CPNE9: variants seen among roughly 807,000 people sequenced by gnomAD.
The protein encoded by CPNE9 is copine family member 9.
CPNE9 carries 59 observed loss-of-function variants against 83.0 expected under a neutral mutation model. The ratio of observed to expected loss-of-function variants is 0.71; its 90% confidence interval spans 0.58 to 0.88. The LOEUF (loss-of-function observed/expected upper bound fraction) is 0.88, where lower values mean the gene tolerates loss of function less well. Among genes scored for constraint, CPNE9 ranks in the 40% least tolerant of loss-of-function variants. The pLI, the probability that CPNE9 is intolerant of heterozygous loss-of-function variation, is 0.00. For missense variants in CPNE9, 619 were observed against 720.8 expected, an observed-to-expected ratio of 0.86 and a Z score of 1.62; for synonymous variants, 256 against 273.4, an observed-to-expected ratio of 0.94 and a Z score of 0.63.
intron 10 of CPNE9, 22 bp downstream of exon 10, chr3:9,713,101 G>A (rs868392823): frequency 1.9e-6 from 3 of 1,564,038 alleles, no homozygotes; most frequent in Middle Eastern, 1.7e-4. Context: ...CATAAGCTGG[G>A]GAGTAAGGAG....
intron 17 of CPNE9, among the ~76,000 whole-genome samples, chr3:9,725,125 C>T (rs2076765962): frequency 6.6e-6 from 1 of 152,174 alleles, no homozygotes; most frequent in Non-Finnish European, 1.5e-5. Flanking sequence ...GGTGATTTTA[C>T]ACTATTTTTG....
At chr3:9,705,174 C>G in intron 4 of CPNE9, 180 bp downstream of exon 4, 1 of 653,226 alleles carries the variant, frequency 1.5e-6, no homozygotes, top group Non-Finnish European at 2.8e-6. Flanking sequence ...CCAGTTCCGT[C>G]CCCCGCTCTG....
chr3:9,722,327 T>G (rs1264363504), intron 17 of CPNE9, among the ~76,000 whole-genome samples: 1 of 152,200 alleles, frequency 6.6e-6, no homozygotes, highest in South Asian at 2.1e-4. Flanking sequence ...ATGATCACAA[T>G]GGACTCTGCT....
intron 11 of CPNE9, 88 bp from the exon 12 acceptor site, chr3:9,715,201 G>T: frequency 7.1e-7 from 1 of 1,416,796 alleles, no homozygotes. Flanking sequence ...CTAAGTAGGG[G>T]CTTAGGATAG....
intron 7 of CPNE9, among the ~76,000 whole-genome samples, chr3:9,710,001 A>G (rs1185565508): frequency 1.3e-5 from 2 of 151,648 alleles, no homozygotes; most frequent in African/African-American, 2.4e-5. Flanking sequence ...AAAAAAAAAA[A>G]AAAAGAAAAA....
At chr3:9,706,291 G>A (rs1254237454) in intron 7 of CPNE9, among the ~76,000 whole-genome samples, 2 of 145,098 alleles carry the variant, frequency 1.4e-5, no homozygotes, top group East Asian at 2.0e-4. Flanking sequence ...CTCTCTCTCT[G>A]TTTCTCTCTC....
Position 9,703,990 on chromosome 3 carries a change from A to C in CPNE9, c.-7A>C. 1 of 1,600,766 alleles carries C rather than the reference A, an allele frequency of 6.2e-7. No individual in the cohort carries two copies. Among genetic ancestry groups the C allele is most frequent in the Non-Finnish European group, 8.5e-7 (1 of 1,176,708 alleles). ...AGCCTCCTGCGGCTCTGGTCGCCCG[A>C]CCAGCCATGTCTCTCGGCGGAGCCT... is the stretch of plus-strand genomic sequence containing the variant. On this transcript the variant is annotated 5_prime_UTR_variant, in exon 1 of 21. Coordinates refer to ENST00000383832, the MANE Select transcript of CPNE9 (RefSeq NM_153635.3).
chr3:9,716,743 T>G (rs564879931), intron 14 of CPNE9, among the ~76,000 whole-genome samples: 49 of 152,362 alleles, frequency 3.2e-4, no homozygotes, highest in Non-Finnish European at 6.0e-4. Flanking sequence ...AAGTGCTGAT[T>G]ACAGGCGTGA....
intron 20 of CPNE9, 84 bp from the exon 21 acceptor site, chr3:9,729,423 G>A: frequency 1.3e-6 from 2 of 1,490,854 alleles, no homozygotes; most frequent in South Asian, 1.4e-5. Context: ...AGATGCTGGG[G>A]ATCAAAAAAG....
chr3:9,715,226 T>G (rs144469531), intron 11 of CPNE9, 63 bp from the exon 12 acceptor site: 1 of 1,541,590 alleles, frequency 6.5e-7, no homozygotes, highest in African/African-American at 1.4e-5. Context: ...AATAAAAGAC[T>G]GGGTTCAGCT....
intron 7 of CPNE9, among the ~76,000 whole-genome samples, chr3:9,707,216 G>T (rs887719872): frequency 3.9e-5 from 6 of 151,940 alleles, no homozygotes; most frequent in Admixed American, 6.6e-5. Context: ...AGCTAGGCAT[G>T]GTGGTGGGTG....
intron 10 of CPNE9, among the ~76,000 whole-genome samples, chr3:9,714,640 A>T (rs2076661515): frequency 1.1e-3 from 1 of 904 alleles, no homozygotes; most frequent in East Asian, 0.019. Flanking sequence ...TCAAAGTGGT[A>T]AAAAAAAAAA....
At position 9,704,116 on chromosome 3, in the gene CPNE9, A is replaced by T. The variant is rs749870064; in HGVS notation, c.68+52A>T. On this transcript the variant is annotated intron_variant, in intron 1 of 20. Transcript: ENST00000383832. The surrounding 1 kb of genome is among the most constrained non-coding windows in gnomAD (Gnocchi z 7.1). ...TAGGCACTGGCACTGCCCCAGCCCC[A>T]GCCAGCCGCGGGGCTCAGCCTGGGC... 1.3e-6 allele frequency: 2 copies of T among 1,542,396 alleles called. No homozygotes were observed. Among genetic ancestry groups the T allele is most frequent in the South Asian group, 2.3e-5 (2 of 85,788 alleles).
intron 14 of CPNE9, 71 bp from the exon 15 acceptor site, chr3:9,716,987 T>C: frequency 6.6e-7 from 1 of 1,513,436 alleles, no homozygotes; most frequent in South Asian, 1.1e-5. Flanking sequence ...CATATGCACA[T>C]TACTGTTTGA....
Position 9,715,272 on chromosome 3 carries a change from C to G in CPNE9, c.693-17C>G. 1 of 1,613,752 alleles carries G rather than the reference C, an allele frequency of 6.2e-7. No homozygotes were observed. Among genetic ancestry groups the G allele is most frequent in the South Asian group, 1.1e-5 (1 of 91,076 alleles). On this transcript the variant is annotated splice_polypyrimidine_tract_variant and intron_variant, in intron 11 of 20. Coordinates refer to ENST00000383832, the MANE Select transcript of CPNE9 (RefSeq NM_153635.3). ...ACCAGCAGCACCTGCTGCTTAGCCA[C>G]GCCCACCTCATTGCAGCCACGATTT... is the stretch of plus-strand genomic sequence containing the variant.
At chr3:9,720,025 G>GCA (rs1175441524) in intron 17 of CPNE9, among the ~76,000 whole-genome samples, 235 of 148,646 alleles carry the variant, frequency 1.6e-3, no homozygotes, top group Admixed American at 5.0e-3. Flanking sequence ...ATATATATAT[G>GCA]CACACACACA....
intron 12 of CPNE9, 23 bp downstream of exon 12, chr3:9,715,387 G>T (rs921632468): frequency 1.2e-6 from 2 of 1,613,978 alleles, no homozygotes; most frequent in South Asian, 1.1e-5. Context: ...GCCCTGCCCA[G>T]GTCACCCAGG....
chr3:9,705,015 C>G, intron 4 of CPNE9, 21 bp downstream of exon 4: 1 of 1,565,170 alleles, frequency 6.4e-7, no homozygotes, highest in Non-Finnish European at 8.7e-7. Context: ...GCCTGGAATT[C>G]TGGCTTGGCC....
chr3:9,707,623 A>G (rs545419968), intron 7 of CPNE9, among the ~76,000 whole-genome samples: 11 of 149,552 alleles, frequency 7.4e-5, no homozygotes, highest in Admixed American at 4.7e-4. Context: ...GATAGTAGGG[A>G]AAAAAACAAA....
Sources: allele counts gnomAD v4.1 joint callset (sites outside exome capture counted in the v4.1 genomes callset), GRCh38; gene constraint gnomAD v4.1.1; non-coding constraint Gnocchi (gnomAD v3.1); transcripts MANE v1.5; gene names NCBI Gene and HGNC (gene_info 2026-07-23, HGNC 2026-07-21).